PTPRQ: variants seen among roughly 807,000 people sequenced by gnomAD.
PTPRQ encodes the protein phosphatidylinositol phosphatase PTPRQ.
A neutral mutation model predicts 246.0 loss-of-function variants in PTPRQ; 199 were observed. The ratio of observed to expected loss-of-function variants is 0.81; its 90% CI spans 0.72 to 0.91. PTPRQ has a LOEUF of 0.91. Ranked by LOEUF, PTPRQ falls within the 40% of genes least tolerant of loss-of-function variation. PTPRQ has a pLI of 0.00. For missense variants in PTPRQ, 2,624 were observed against 2,528.4 expected (o/e 1.04, Z -0.81); for synonymous variants, 869 against 853.2 (o/e 1.02, Z -0.32).
At chr12:80,480,851 A>ATAACAGGCCT (rs1894019886) in intron 8 of PTPRQ, among the ~76,000 whole-genome samples, 1 of 152,208 alleles carries the variant, frequency 6.6e-6, no homozygotes, top group African/African-American at 2.4e-5. Context: ...GAATAGACCA[A>ATAACAGGCCT]TAACAGGCTC....
chr12:80,676,437 G>A (rs1901145685), intron 43 of PTPRQ, among the ~76,000 whole-genome samples: 1 of 152,124 alleles, frequency 6.6e-6, no homozygotes. Context: ...GGGGTCAGGA[G>A]TTCGAGACCA....
chr12:80,477,621 G>C (rs896960766), intron 8 of PTPRQ, among the ~76,000 whole-genome samples: 4 of 152,138 alleles, frequency 2.6e-5, no homozygotes, highest in Non-Finnish European at 5.9e-5. Flanking sequence ...CTGAGGTACC[G>C]GGTTCATCTC....
intron 26 of PTPRQ, among the ~76,000 whole-genome samples, chr12:80,596,144 A>G (rs2121049487): frequency 6.6e-6 from 1 of 152,144 alleles, no homozygotes; most frequent in South Asian, 2.1e-4. Context: ...GGGAAGAACA[A>G]TGTTTAAATT....
chr12:80,539,669 T>A, intron 19 of PTPRQ, 107 bp from the exon 20 acceptor site: 1 of 950,794 alleles, frequency 1.1e-6, no homozygotes, highest in Non-Finnish European at 1.4e-6. Flanking sequence ...AACAACATAT[T>A]AAAATAATGA....
chr12:80,512,990 G>A (rs1224177949), intron 17 of PTPRQ, among the ~76,000 whole-genome samples: 1 of 152,094 alleles, frequency 6.6e-6, no homozygotes, highest in Admixed American at 6.6e-5. Context: ...ATGCAGACGG[G>A]CAGGCTGTGG....
intron 25 of PTPRQ, among the ~76,000 whole-genome samples, chr12:80,556,764 A>G (rs1012945994): frequency 5.3e-5 from 8 of 152,146 alleles, no homozygotes; most frequent in African/African-American, 1.7e-4. Flanking sequence ...TAGTGAGAAT[A>G]GTAGTTAGAG....
chr12:80,626,105 C>T (rs930906741), intron 33 of PTPRQ, among the ~76,000 whole-genome samples: 29 of 152,226 alleles, frequency 1.9e-4, no homozygotes, highest in Non-Finnish European at 5.9e-5. Flanking sequence ...TGAAAAGTTC[C>T]AATGTGCTCA....
intron 33 of PTPRQ, among the ~76,000 whole-genome samples, chr12:80,627,724 G>T (rs1429628890): frequency 7.9e-5 from 12 of 152,074 alleles, no homozygotes; most frequent in Non-Finnish European, 4.4e-5. Flanking sequence ...AGGATTTTAA[G>T]TCTAGTCAGA....
Position 80,652,741 on chromosome 12 carries a change from C to A in PTPRQ, c.6025-3C>A. 1 of 1,491,708 alleles carries A rather than the reference C, an allele frequency of 6.7e-7. No homozygotes were observed. The highest frequency in any genetic ancestry group is 8.9e-7 in the Non-Finnish European group (1 of 1,124,336). 92.4% of individuals were successfully genotyped at this position (1,491,708 alleles called of 1,614,324 possible). A position where few individuals can be genotyped will look rare whatever the true frequency, so the allele number is the denominator to read the frequency against. On this transcript the variant is annotated splice_polypyrimidine_tract_variant and splice_region_variant and intron_variant, in intron 37 of 44. Transcript: ENST00000644991. Reference sequence around the variant, plus strand: ...TAAACTTTGTAATGACTTTATTTTACAGGAATTACCAAAATTTCTTCAGGA... The same window carrying A: ...TAAACTTTGTAATGACTTTATTTTAAAGGAATTACCAAAATTTCTTCAGGA...
chr12:80,580,554 A>G (rs1897401430), intron 25 of PTPRQ, among the ~76,000 whole-genome samples: 1 of 152,218 alleles, frequency 6.6e-6, no homozygotes, highest in Non-Finnish European at 1.5e-5. Context: ...CACACAGTTC[A>G]TCAAAGAGAA....
At chr12:80,469,190 T>C (rs2120532383) in intron 7 of PTPRQ, among the ~76,000 whole-genome samples, 1 of 152,308 alleles carries the variant, frequency 6.6e-6, no homozygotes, top group East Asian at 1.9e-4. Flanking sequence ...CTATATTAAA[T>C]TAGATTTCTA....
intron 28 of PTPRQ, among the ~76,000 whole-genome samples, chr12:80,612,931 A>G (rs1898609451): frequency 6.6e-6 from 1 of 150,550 alleles, no homozygotes; most frequent in African/African-American, 2.4e-5. Context: ...AAAATGACAA[A>G]ACTATACAGA....
At chr12:80,494,319 C>A (rs967092040) in intron 10 of PTPRQ, among the ~76,000 whole-genome samples, 1 of 151,858 alleles carries the variant, frequency 6.6e-6, no homozygotes, top group Non-Finnish European at 1.5e-5. Context: ...CTAAATAAAG[C>A]GAAAATCTAA....
chr12:80,610,482 A>G lies in PTPRQ; in HGVS notation c.4775A>G (p.Glu1592Gly), dbSNP rs1443755203. The G allele has an allele frequency of 2.6e-6, 4 of 1,522,778 alleles. No homozygotes were observed. Among genetic ancestry groups the G allele is most frequent in the Non-Finnish European group, 3.5e-6 (4 of 1,129,346 alleles). The allele number at this position is 1,522,778 out of a possible 1,614,324, so 94.3% of individuals were successfully genotyped here. A position where few individuals can be genotyped will look rare whatever the true frequency, so the allele number is the denominator to read the frequency against. Reference sequence around the variant, plus strand: ...AATATATCCTTCATCAAGTCAAATGAAGAAAATAAAACCATAGAAATTAAA... The same window carrying G: ...AATATATCCTTCATCAAGTCAAATGGAGAAAATAAAACCATAGAAATTAAA... ...EFNISFIKSN[E>G]ENKTIEIKDL... Residue 1592 changes from glutamate to glycine, a missense_variant, in exon 28 of 45, where the codon GAA becomes GGA. Physicochemically the swap from Glu to Gly is moderately conservative, Grantham distance 98. Transcript: ENST00000644991.
chr12:80,563,745 C>T (rs992305253), intron 25 of PTPRQ, among the ~76,000 whole-genome samples: 6 of 152,162 alleles, frequency 3.9e-5, no homozygotes, highest in African/African-American at 1.4e-4. Context: ...GTAGTGATAC[C>T]TTTTCACTGA....
intron 16 of PTPRQ, among the ~76,000 whole-genome samples, chr12:80,507,416 G>A (rs1030154710): frequency 9.7e-4 from 148 of 151,992 alleles, no homozygotes; most frequent in African/African-American, 3.3e-3. Flanking sequence ...AGTATCATAC[G>A]TGTTTGTGGA....
At chr12:80,468,951 G>A in intron 7 of PTPRQ, 113 bp downstream of exon 7, 1 of 1,386,154 alleles carries the variant, frequency 7.2e-7, no homozygotes, top group Non-Finnish European at 9.5e-7. Context: ...CTCTAAGATT[G>A]AAGCAAACAA....
At chr12:80,463,748 T>A (rs1344202595) in intron 6 of PTPRQ, among the ~76,000 whole-genome samples, 1 of 151,308 alleles carries the variant, frequency 6.6e-6, no homozygotes, top group African/African-American at 2.5e-5. Flanking sequence ...CAATCCAGAA[T>A]TTCATATCCA....
chr12:80,587,294 G>A (rs1023998812), intron 25 of PTPRQ, among the ~76,000 whole-genome samples: 1 of 152,050 alleles, frequency 6.6e-6, no homozygotes, highest in African/African-American at 2.4e-5. Flanking sequence ...ATTTTCACAT[G>A]TCATCATTTT....
Sources: gnomAD v4.1 joint callset for allele counts (sites outside exome capture counted in the v4.1 genomes callset) on GRCh38, gnomAD v4.1.1 for gene constraint, MANE v1.5 for transcripts, NCBI Gene and HGNC (gene_info 2026-07-23, HGNC 2026-07-21) for gene names.